TET1: variants seen among roughly 807,000 people sequenced by gnomAD.
TET1 encodes the protein methylcytosine dioxygenase TET1.
TET1 carries 13 observed loss-of-function variants against 148.7 expected under a neutral mutation model. The ratio of observed to expected loss-of-function variants is 0.09; its 90% confidence interval spans 0.06 to 0.14. The LOEUF (loss-of-function observed/expected upper bound fraction) is 0.14. Ranked by LOEUF, TET1 falls within the 10% of genes least tolerant of loss-of-function variation. TET1 has a pLI of 1.00. For synonymous variants in TET1, 907 were observed against 937.2 expected (o/e 0.97, Z 0.59); for missense variants, 2,182 against 2,553.8 (o/e 0.85, Z 3.14).
intron 8 of TET1, among the ~76,000 whole-genome samples, chr10:68,678,673 C>T (rs936307247): frequency 6.6e-6 from 1 of 151,924 alleles, no homozygotes; most frequent in South Asian, 2.1e-4. Context: ...TTGCTTGAAC[C>T]TGAGAGGCAG....
chr10:68,616,447 G>T (rs993639656), intron 3 of TET1, among the ~76,000 whole-genome samples: 1 of 152,192 alleles, frequency 6.6e-6, no homozygotes, highest in Non-Finnish European at 1.5e-5. Flanking sequence ...ATGTCAATTT[G>T]TGACCTTAAC....
At chr10:68,561,862 TAA>T (rs2053558695) in intron 1 of TET1, among the ~76,000 whole-genome samples, 1 of 152,022 alleles carries the variant, frequency 6.6e-6, no homozygotes, top group African/African-American at 2.4e-5. Flanking sequence ...CACTAAAAAC[TAA>T]AGTGTTTCCA....
chr10:68,577,058 G>A (rs541806012), intron 2 of TET1, among the ~76,000 whole-genome samples: 148 of 152,210 alleles, frequency 9.7e-4, no homozygotes, highest in African/African-American at 3.2e-3. Flanking sequence ...ACAGGTGCCC[G>A]CCACCGCGCC....
chr10:68,603,682 G>A (rs188240881), intron 3 of TET1, among the ~76,000 whole-genome samples: 270 of 152,206 alleles, frequency 1.8e-3, no homozygotes, highest in Middle Eastern at 0.01. Flanking sequence ...GAGGAGGGAG[G>A]ATTGCTTGAG....
intron 3 of TET1, chr10:68,632,675 A>G: frequency 6.2e-7 from 1 of 1,605,740 alleles, no homozygotes; most frequent in South Asian, 1.1e-5. Flanking sequence ...ATATTATATG[A>G]AGGTACCCAC....
intron 4 of TET1, among the ~76,000 whole-genome samples, chr10:68,651,582 T>A (rs2054936279): frequency 6.6e-6 from 1 of 152,096 alleles, no homozygotes; most frequent in Non-Finnish European, 1.5e-5. Flanking sequence ...GATAGGAGTA[T>A]AAATATGACC....
intron 3 of TET1, among the ~76,000 whole-genome samples, chr10:68,635,917 A>G (rs1399265800): frequency 6.6e-6 from 1 of 152,242 alleles, no homozygotes; most frequent in East Asian, 1.9e-4. Flanking sequence ...TGAAGCTTCA[A>G]GGAAGATCTA....
At chr10:68,600,797 GA>G (rs1252635540) in intron 2 of TET1, among the ~76,000 whole-genome samples, 183 bp from the exon 3 acceptor site, 1 of 152,142 alleles carries the variant, frequency 6.6e-6, no homozygotes, top group Non-Finnish European at 1.5e-5. Flanking sequence ...CTTTATGCAA[GA>G]TTTTTTTAGT....
At position 68,691,865 on chromosome 10, in the gene TET1, A is replaced by G. The variant is rs558078320; in HGVS notation, c.*51A>G. 2 of 1,529,674 alleles carry G rather than the reference A, an allele frequency of 1.3e-6. No individual in the cohort carries two copies. The highest frequency in any genetic ancestry group is 1.8e-6 in the Non-Finnish European group (2 of 1,140,818). The allele number at this position is 1,529,674 out of a possible 1,614,324, so 94.8% of individuals were successfully genotyped here. A position where few individuals can be genotyped will look rare whatever the true frequency, so the allele number is the denominator to read the frequency against. ...TTTGCTAGTGCAGTGTATTTTTTCA[A>G]GGTGCTGTTAAAAGAAAGTCATGTT... On this transcript the variant is annotated 3_prime_UTR_variant, in exon 12 of 12. Transcript: ENST00000373644. The surrounding 1 kb of genome is among the most constrained non-coding windows in gnomAD (Gnocchi z 4.4).
At chr10:68,628,933 G>T (rs2133015764) in intron 3 of TET1, among the ~76,000 whole-genome samples, 1 of 152,290 alleles carries the variant, frequency 6.6e-6, no homozygotes, top group East Asian at 1.9e-4. Flanking sequence ...TGAAATTTGG[G>T]TAGGGCAGCT....
chr10:68,570,823 T>C (rs10998286), intron 1 of TET1, among the ~76,000 whole-genome samples: 74,320 of 150,642 alleles, frequency 0.49, 19,030 homozygotes, highest in East Asian at 0.56. Context: ...TTAGTAAAGA[T>C]GGGGTTTCAC....
intron 3 of TET1, among the ~76,000 whole-genome samples, chr10:68,624,972 G>C (rs2054456535): frequency 6.6e-6 from 1 of 151,724 alleles, no homozygotes; most frequent in Admixed American, 6.6e-5. Flanking sequence ...CTGACCTCGT[G>C]ATCTGCCCGC....
intron 9 of TET1, among the ~76,000 whole-genome samples, chr10:68,682,052 C>G (rs1221410767): frequency 7.0e-6 from 1 of 142,928 alleles, no homozygotes; most frequent in Non-Finnish European, 1.5e-5. Context: ...GCATATCTAT[C>G]TAACATACAT....
intron 3 of TET1, among the ~76,000 whole-genome samples, chr10:68,626,004 A>G (rs946968555): frequency 1.3e-5 from 2 of 151,608 alleles, no homozygotes; most frequent in African/African-American, 4.9e-5. Context: ...GAATCACTTC[A>G]GCCCACAAGT....
chr10:68,691,072 G>C lies in TET1; in HGVS notation c.5669G>C (p.Gly1890Ala). Reference protein sequence around the residue: ...HCTMPSGRLSGANAAAADGPG... With the variant: ...HCTMPSGRLSAANAAAADGPG... The stretch of plus-strand genomic sequence containing the variant: ...ACGATGCCTTCGGGAAGACTCAGTG[G>C]TGCCAATGCAGCTGCTGCTGATGGC... The change falls in exon 12 of 12, where the codon GGT becomes GCT. Residue 1890 changes from glycine to alanine, a missense_variant. Transcript: ENST00000373644. This position sits in a 1 kb window ranked among gnomAD's most constrained non-coding sequence, Gnocchi z 4.4. The C allele has an allele frequency of 1.9e-6, 3 of 1,614,172 alleles. No individual in the cohort carries two copies. Among genetic ancestry groups the C allele is most frequent in the Non-Finnish European group, 2.5e-6 (3 of 1,180,028 alleles).
chr10:68,566,594 T>C (rs1935455), intron 1 of TET1, among the ~76,000 whole-genome samples: 7,084 of 152,122 alleles, frequency 0.047, 211 homozygotes, highest in South Asian at 0.081. Flanking sequence ...TTTATCAAAA[T>C]GTTATTTTTT....
chr10:68,595,951 T>C (rs1322869988), intron 2 of TET1, among the ~76,000 whole-genome samples: 72 of 31,928 alleles, frequency 2.3e-3, no homozygotes, highest in East Asian at 8.9e-3. Context: ...TATATATATA[T>C]ATATATATAT....
At chr10:68,611,159 C>T (rs570744973) in intron 3 of TET1, among the ~76,000 whole-genome samples, 4 of 151,900 alleles carry the variant, frequency 2.6e-5, no homozygotes, top group East Asian at 3.9e-4. Context: ...GACATGGTGG[C>T]GGGCACCTGT....
rs758192579 is a variant in TET1 at position 68,646,743 on chromosome 10, T to G, written c.4014T>G (p.Pro1338=). ...TGCATCAGAGACTGCCAACATTGCC[T>G]GGTATCTCTCATGAAACACCCTTAC... ...QLMHQRLPTL[P]GISHETPLPE... is the part of the protein sequence containing the mutation. The change falls in exon 4 of 12, where the codon CCT becomes CCG. Residue 1338 remains proline, a synonymous_variant. Transcript: ENST00000373644. 5.0e-6 allele frequency: 8 copies of G among 1,614,192 alleles called. No individual in the cohort carries two copies. In the East Asian group the frequency reaches 6.7e-5, roughly 13 times the overall value.
Sources: gnomAD v4.1 joint callset for allele counts (sites outside exome capture counted in the v4.1 genomes callset) on GRCh38, gnomAD v4.1.1 for gene constraint, Gnocchi (gnomAD v3.1) non-coding constraint, MANE v1.5 for transcripts, NCBI Gene and HGNC (gene_info 2026-07-23, HGNC 2026-07-21) for gene names.